SS18: variants seen among roughly 807,000 people sequenced by gnomAD.
SS18 encodes the protein protein SSXT.
Under a neutral mutation model 72.5 loss-of-function variants are expected in SS18, and 28 were observed. That is an observed-to-expected ratio of 0.39 (90% CI 0.29 to 0.53). SS18 has a LOEUF of 0.53. Among genes scored for constraint, SS18 ranks in the 20% least tolerant of loss-of-function variants. The probability of loss-of-function intolerance (pLI) is 0.76; values close to 1 mark genes in which losing one functional copy is unlikely to be tolerated. For missense variants in SS18, 518 were observed against 535.3 expected (o/e 0.97, Z 0.32); for synonymous variants, 172 against 164.2 (o/e 1.05, Z -0.37).
chr18:26,086,268 C>T (rs1598618122), intron 2 of SS18, among the ~76,000 whole-genome samples: 1 of 152,124 alleles, frequency 6.6e-6, no homozygotes, highest in African/African-American at 2.4e-5. Context: ...GTCCTGGAAT[C>T]GATTCACCAT....
chr18:26,044,777 G>A lies in SS18; in HGVS notation c.608-5321C>T, dbSNP rs544125772. On this transcript the variant is annotated intron_variant, in intron 5 of 10. Transcript: ENST00000415083. ...TGGATGGGGGTTTTGGGCCAAGCAG[G>A]GGGGTAAAGGATCGAGATTGGAGAC... 3.9e-5 allele frequency among the ~76,000 whole-genome samples: 6 copies of A among 152,042 alleles called. No individual in the cohort carries two copies. The South Asian group carries it at 1.3e-3, about 32-fold the overall frequency.
At chr18:26,044,107 A>C (rs1390268103) in intron 5 of SS18, among the ~76,000 whole-genome samples, 1 of 152,220 alleles carries the variant, frequency 6.6e-6, no homozygotes, top group Admixed American at 6.5e-5. Flanking sequence ...AGGATAAAGC[A>C]GTGAACAGAA....
chr18:26,046,993 G>A (rs1877819293), intron 5 of SS18, among the ~76,000 whole-genome samples: 1 of 152,152 alleles, frequency 6.6e-6, no homozygotes, highest in Non-Finnish European at 1.5e-5. Context: ...AAATGGTGGT[G>A]CTGGGGGAAC....
At chr18:26,082,524 T>G (rs2054543722) in intron 2 of SS18, 1 of 985,042 alleles carries the variant, frequency 1.0e-6, no homozygotes, top group African/African-American at 1.7e-5. Context: ...TAGTTTGGAC[T>G]CACCCTAAAA....
At chr18:26,088,754 C>T (rs1166756099) in intron 1 of SS18, among the ~76,000 whole-genome samples, 1 of 152,148 alleles carries the variant, frequency 6.6e-6, no homozygotes, top group Non-Finnish European at 1.5e-5. Flanking sequence ...CCAGAACCTG[C>T]CCCACCCTAC....
intron 3 of SS18, among the ~76,000 whole-genome samples, chr18:26,063,829 G>C (rs1176306716): frequency 6.6e-6 from 1 of 152,012 alleles, no homozygotes; most frequent in Non-Finnish European, 1.5e-5. Flanking sequence ...AAAGCATTAA[G>C]AGAAAATTAA....
intron 10 of SS18, among the ~76,000 whole-genome samples, chr18:26,019,641 T>C (rs144333721): frequency 1.8e-3 from 278 of 151,984 alleles, no homozygotes; most frequent in Middle Eastern, 6.8e-3. Flanking sequence ...TGAAACCCCG[T>C]CTTTACTAAA....
At chr18:26,025,375 G>A (rs2053427738) in intron 10 of SS18, among the ~76,000 whole-genome samples, 1 of 151,922 alleles carries the variant, frequency 6.6e-6, no homozygotes, top group Non-Finnish European at 1.5e-5. Context: ...ATAAAGTTCT[G>A]GGCAGAAATC....
At chr18:26,032,959 T>C (rs756145490) in intron 9 of SS18, among the ~76,000 whole-genome samples, 41 of 152,156 alleles carry the variant, frequency 2.7e-4, no homozygotes, top group Non-Finnish European at 5.6e-4. Flanking sequence ...TAAACGATAT[T>C]TACAACTGTA....
At chr18:26,028,349 G>A (rs1358344939) in intron 10 of SS18, among the ~76,000 whole-genome samples, 1 of 152,298 alleles carries the variant, frequency 6.6e-6, no homozygotes, top group South Asian at 2.1e-4. Flanking sequence ...TACACTGCTG[G>A]TAAGAATGTA....
intron 5 of SS18, 87 bp downstream of exon 5, chr18:26,052,537 G>A (rs2053939613): frequency 9.3e-7 from 1 of 1,073,524 alleles, no homozygotes; most frequent in Non-Finnish European, 1.4e-6. Flanking sequence ...TTATTTTTAT[G>A]AACCAGCTAA....
At chr18:26,067,040 C>A (rs2054233096) in intron 3 of SS18, among the ~76,000 whole-genome samples, 1 of 152,102 alleles carries the variant, frequency 6.6e-6, no homozygotes, top group African/African-American at 2.4e-5. Context: ...TTAAAGGAAT[C>A]AATTATTTTT....
At chr18:26,032,329 T>A (rs879246927) in intron 10 of SS18, 70 bp downstream of exon 10, 52 of 1,559,312 alleles carry the variant, frequency 3.3e-5, no homozygotes, top group Middle Eastern at 1.7e-4. Flanking sequence ...AAATAAATTT[T>A]AAAAAAAAGT....
rs985080438 is a variant in SS18, at chr18:26,016,739, G to C, written c.*1615C>G. 4.1e-5 allele frequency: 9 copies of C among 221,906 alleles called. No individual in the cohort carries two copies. The highest frequency in any genetic ancestry group is 6.5e-5 in the East Asian group (1 of 15,342). The allele number at this position is 221,906 out of a possible 1,614,324, so 13.7% of individuals were successfully genotyped here. ...ACTCCATCTCAAAAAAAAAAACAAA[G>C]AACAAAAAACAAAAACAAAAAAACC... On this transcript the variant is annotated 3_prime_UTR_variant, in exon 11 of 11. Transcript: ENST00000415083.
At chr18:26,089,946 T>C (rs2054688084) in intron 1 of SS18, 1 of 153,096 alleles carries the variant, frequency 6.5e-6, no homozygotes, top group African/African-American at 2.4e-5. Flanking sequence ...CATGGGGACC[T>C]TCCTTGCCCG....
chr18:26,067,742 T>C (rs2054244944), intron 3 of SS18, among the ~76,000 whole-genome samples: 1 of 152,288 alleles, frequency 6.6e-6, no homozygotes, highest in East Asian at 1.9e-4. Flanking sequence ...ATAACTATCA[T>C]GGAAGCTAAA....
intron 3 of SS18, among the ~76,000 whole-genome samples, chr18:26,059,783 T>A (rs2054087809): frequency 2.0e-5 from 3 of 152,228 alleles, no homozygotes; most frequent in Admixed American, 2.0e-4. Flanking sequence ...TCTATAATTG[T>A]TCAACCACAA....
At chr18:26,019,484 T>C (rs2053306359) in intron 10 of SS18, among the ~76,000 whole-genome samples, 1 of 152,076 alleles carries the variant, frequency 6.6e-6, no homozygotes, top group Admixed American at 6.5e-5. Flanking sequence ...AATGTCACCA[T>C]ATATATGATG....
intron 5 of SS18, among the ~76,000 whole-genome samples, chr18:26,040,693 C>G (rs2053707786): frequency 6.6e-6 from 1 of 152,224 alleles, no homozygotes; most frequent in Admixed American, 6.5e-5. Flanking sequence ...ACTGTTTTAT[C>G]TGAAGGAGTA....
Sources: gnomAD v4.1 joint callset for allele counts (sites outside exome capture counted in the v4.1 genomes callset) on GRCh38, gnomAD v4.1.1 for gene constraint, MANE v1.5 for transcripts, NCBI Gene and HGNC (gene_info 2026-07-23, HGNC 2026-07-21) for gene names.